The following GLDN variants were observed in gnomAD, a reference collection of about 807,000 sequenced individuals.
The protein encoded by GLDN is gliomedin.
GLDN carries 47 observed loss-of-function variants against 56.5 expected under a neutral mutation model. The ratio of observed to expected loss-of-function variants is 0.83; its 90% CI spans 0.66 to 1.06. The LOEUF is 1.06. GLDN is among the 50% of genes least tolerant of loss of function. GLDN has a pLI of 0.00. For missense variants in GLDN, 782 were observed against 714.3 expected (o/e 1.09, Z -1.08); for synonymous variants, 332 against 278.8 (o/e 1.19, Z -1.90).
intron 1 of GLDN, among the ~76,000 whole-genome samples, chr15:51,350,813 G>A (rs527299574): frequency 6.6e-5 from 10 of 152,160 alleles, no homozygotes; most frequent in Non-Finnish European, 1.2e-4. Flanking sequence ...GGTCAAGGCT[G>A]ATCATCTGGA....
downstream of GLDN, among the ~76,000 whole-genome samples, chr15:51,411,169 A>G (rs2038461064): frequency 1.3e-5 from 2 of 152,224 alleles, no homozygotes; most frequent in Non-Finnish European, 2.9e-5. Flanking sequence ...GAGCGTGACT[A>G]ATCACCAATA....
At chr15:51,389,955 G>C (rs940590361) in intron 4 of GLDN, among the ~76,000 whole-genome samples, 5 of 152,198 alleles carry the variant, frequency 3.3e-5, no homozygotes, top group African/African-American at 1.2e-4. Context: ...TTTAAGCTCT[G>C]TAGCCTAACG....
chr15:51,344,165 T>G (rs573783268), intron 1 of GLDN, among the ~76,000 whole-genome samples: 3 of 152,294 alleles, frequency 2.0e-5, no homozygotes, highest in African/African-American at 7.2e-5. Flanking sequence ...CTGGAACTAT[T>G]TGGGGAGCTT....
rs143280463 is a variant in GLDN at position 51,406,878 on chromosome 15, G to A, written c.*2124G>A. On this transcript the variant is annotated 3_prime_UTR_variant, in exon 10 of 10. Coordinates refer to ENST00000335449, the MANE Select transcript of GLDN (RefSeq NM_181789.4). ...AGAGTCTCATGTTCAAGATCAATATGTCTAATAAGTGCTGGTGTCCTTTTA... is the reference window on the plus strand; with the variant it reads ...AGAGTCTCATGTTCAAGATCAATATATCTAATAAGTGCTGGTGTCCTTTTA... 60 of 152,274 alleles carry A rather than the reference G, an allele frequency of 3.9e-4. 1 individual carries two copies. The highest frequency in any genetic ancestry group is 1.4e-3 in the African/African-American group (58 of 41,544). The allele number at this position is 152,274 out of a possible 1,614,324, so 9.4% of individuals were successfully genotyped here.
chr15:51,397,612 C>A lies in GLDN; in HGVS notation c.817+14C>A. On this transcript the variant is annotated intron_variant, in intron 6 of 9. Transcript: ENST00000335449. ...GCCAGTGCCCAGGTCACCACCTCTC[C>A]CCTACGGGGCCCACCTCTTCTGTCA... is the stretch of plus-strand genomic sequence containing the variant. 6.4e-7 allele frequency: 1 copy of A among 1,556,992 alleles called. No individual in the cohort carries two copies. The highest frequency in any genetic ancestry group is 8.7e-7 in the Non-Finnish European group (1 of 1,149,458).
At chr15:51,364,442 CA>C (rs2037362152) in intron 1 of GLDN, among the ~76,000 whole-genome samples, 1 of 152,152 alleles carries the variant, frequency 6.6e-6, no homozygotes, top group Admixed American at 6.5e-5. Flanking sequence ...TGTAATGGCA[CA>C]ATCATAGCTC....
intron 1 of GLDN, among the ~76,000 whole-genome samples, chr15:51,361,164 A>C (rs1028341754): frequency 6.6e-6 from 1 of 152,226 alleles, no homozygotes; most frequent in Non-Finnish European, 1.5e-5. Flanking sequence ...CCTGGGGAAG[A>C]CAAGTGATTC....
intron 6 of GLDN, among the ~76,000 whole-genome samples, chr15:51,398,342 C>T (rs2038178947): frequency 6.6e-6 from 1 of 152,232 alleles, no homozygotes; most frequent in African/African-American, 2.4e-5. Context: ...GGCACAGTGG[C>T]CACAGGGTTG....
Position 51,377,515 on chromosome 15 carries a change from G to T in GLDN, c.415+15G>T. 6.2e-7 allele frequency: 1 copy of T among 1,611,750 alleles called. No individual in the cohort carries two copies. The highest frequency in any genetic ancestry group is 1.1e-5 in the South Asian group (1 of 90,972). ...CTGCCTCACAGGTAGGCTGGCCGCT[G>T]AGCAGAGCCGCTCACACAACAAGGA... On this transcript the variant is annotated intron_variant, in intron 2 of 9. Coordinates refer to ENST00000335449, the MANE Select transcript of GLDN (RefSeq NM_181789.4).
chr15:51,371,975 G>A (rs1401259490), intron 1 of GLDN, among the ~76,000 whole-genome samples: 1 of 152,190 alleles, frequency 6.6e-6, no homozygotes, highest in East Asian at 1.9e-4. Context: ...ATGAGCCGCC[G>A]CGCCTGGCCA....
chr15:51,386,391 G>T (rs2037894072), intron 4 of GLDN, among the ~76,000 whole-genome samples: 1 of 152,164 alleles, frequency 6.6e-6, no homozygotes, highest in African/African-American at 2.4e-5. Flanking sequence ...TCACACTGCT[G>T]AGGCCCCGAG....
intron 6 of GLDN, among the ~76,000 whole-genome samples, chr15:51,398,845 C>T (rs557961117): frequency 1.7e-4 from 26 of 152,292 alleles, no homozygotes; most frequent in African/African-American, 5.8e-4. Flanking sequence ...GGCTCTGACC[C>T]GAGCTTTTGC....
intron 4 of GLDN, 63 bp downstream of exon 4, chr15:51,383,955 C>T (rs779861569): frequency 4.4e-5 from 54 of 1,225,518 alleles, no homozygotes; most frequent in South Asian, 3.7e-4. Flanking sequence ...GCATTTGGGT[C>T]GACTAAAACT....
intron 1 of GLDN, among the ~76,000 whole-genome samples, chr15:51,354,540 G>A (rs7175922): frequency 0.24 from 36,278 of 152,094 alleles, 6,662 homozygotes; most frequent in African/African-American, 0.51. Flanking sequence ...GCAATGGAGA[G>A]TTGTTGAGAC....
chr15:51,390,618 G>C (rs1024830944), intron 4 of GLDN, among the ~76,000 whole-genome samples: 1 of 152,000 alleles, frequency 6.6e-6, no homozygotes, highest in African/African-American at 2.4e-5. Context: ...GACACTCTCT[G>C]GCCCCTTTCC....
At chr15:51,354,522 C>G (rs1161271806) in intron 1 of GLDN, among the ~76,000 whole-genome samples, 1 of 152,122 alleles carries the variant, frequency 6.6e-6, no homozygotes, top group Non-Finnish European at 1.5e-5. Flanking sequence ...AAATTGAACT[C>G]AAAATGGGCA....
intron 6 of GLDN, among the ~76,000 whole-genome samples, chr15:51,399,615 G>T (rs1183419503): frequency 6.6e-6 from 1 of 152,182 alleles, no homozygotes; most frequent in East Asian, 1.9e-4. Flanking sequence ...AGAGACAGTG[G>T]GGAAATGGTC....
In GLDN at chr15:51,394,924, G is replaced by A; in HGVS notation, c.631G>A (p.Gly211Arg). 6.2e-7 allele frequency: 1 copy of A among 1,612,170 alleles called. No homozygotes were observed. Among genetic ancestry groups the A allele is most frequent in the Non-Finnish European group, 8.5e-7 (1 of 1,179,164 alleles). ...CCTGCAGGGAAATGAGGGCCCACCA[G>A]GGCAGAAGGGAGAAAAGGGTGACAA... ...LGLQGNEGPP[G>R]QKGEKGDKGD... Residue 211 changes from glycine to arginine, a missense_variant, in exon 5 of 10, where the codon GGG becomes AGG. Transcript: ENST00000335449.
intron 1 of GLDN, among the ~76,000 whole-genome samples, chr15:51,352,946 T>C (rs547872093): frequency 1.1e-4 from 17 of 149,852 alleles, no homozygotes; most frequent in African/African-American, 4.2e-4. Flanking sequence ...AACAAAAAAA[T>C]TAGCCACAAG....
Sources: allele counts gnomAD v4.1 joint callset (sites outside exome capture counted in the v4.1 genomes callset), GRCh38; gene constraint gnomAD v4.1.1; transcripts MANE v1.5; gene names NCBI Gene and HGNC (gene_info 2026-07-23, HGNC 2026-07-21).